Variants in CHSY1 observed in about 807,000 individuals in gnomAD.
CHSY1 encodes the protein N-acetylgalactosaminyl-proteoglycan 3-beta-glucuronosyltransferase 1.
CHSY1 carries 13 observed loss-of-function variants against 59.8 expected under a neutral mutation model. The ratio of observed to expected loss-of-function variants is 0.22; its 90% CI spans 0.14 to 0.35. The LOEUF is 0.35. Ranked by LOEUF, CHSY1 falls within the 10% of genes least tolerant of loss-of-function variation. The pLI is 1.00. For missense variants in CHSY1, 947 were observed against 1,030.6 expected (o/e 0.92, Z 1.11); for synonymous variants, 459 against 401.2 (o/e 1.14, Z -1.72).
At chr15:101,191,656 T>C (rs2038447508) in intron 2 of CHSY1, among the ~76,000 whole-genome samples, 1 of 152,186 alleles carries the variant, frequency 6.6e-6, no homozygotes, top group Non-Finnish European at 1.5e-5. Flanking sequence ...TGGGGGAGAC[T>C]GTGCACGTGT....
At chr15:101,211,463 G>A (rs1385398913) in intron 2 of CHSY1, among the ~76,000 whole-genome samples, 2 of 152,154 alleles carry the variant, frequency 1.3e-5, no homozygotes, top group African/African-American at 4.8e-5. Flanking sequence ...CATAAAACAC[G>A]TATAGGACTC....
At chr15:101,189,497 T>C (rs1458334360) in intron 2 of CHSY1, 4 of 985,190 alleles carry the variant, frequency 4.1e-6, no homozygotes, top group African/African-American at 1.7e-5. Flanking sequence ...ACAGGCCCAG[T>C]GCAGCCGGGT....
intron 2 of CHSY1, among the ~76,000 whole-genome samples, chr15:101,198,664 C>G (rs2038535176): frequency 6.6e-6 from 1 of 152,204 alleles, no homozygotes; most frequent in Non-Finnish European, 1.5e-5. Flanking sequence ...TGAGAGGAAA[C>G]AGCAGTCGTA....
chr15:101,217,074 A>G (rs1211068932), intron 2 of CHSY1, among the ~76,000 whole-genome samples: 1 of 152,238 alleles, frequency 6.6e-6, no homozygotes, highest in African/African-American at 2.4e-5. Flanking sequence ...AATGTACATA[A>G]GCACTGTACT....
At chr15:101,205,820 G>C (rs1040645672) in intron 2 of CHSY1, among the ~76,000 whole-genome samples, 6 of 152,224 alleles carry the variant, frequency 3.9e-5, no homozygotes, top group Admixed American at 3.3e-4. Flanking sequence ...GCGTGGTGGT[G>C]GGCGCCCGTA....
intron 2 of CHSY1, among the ~76,000 whole-genome samples, chr15:101,216,996 A>T (rs1218467557): frequency 6.6e-6 from 1 of 152,186 alleles, no homozygotes; most frequent in African/African-American, 2.4e-5. Context: ...TGAAGTGGGC[A>T]GAGCAGAAGG....
chr15:101,201,320 T>TC (rs1469961362), intron 2 of CHSY1, among the ~76,000 whole-genome samples: 1 of 152,120 alleles, frequency 6.6e-6, no homozygotes, highest in Non-Finnish European at 1.5e-5. Flanking sequence ...TGCCTATTAC[T>TC]CCCCCGACCC....
chr15:101,246,674 C>T (rs906881819), intron 1 of CHSY1, among the ~76,000 whole-genome samples: 2 of 152,172 alleles, frequency 1.3e-5, no homozygotes, highest in African/African-American at 4.8e-5. Context: ...GTGCTGCGAC[C>T]ACATACTATT....
At chr15:101,187,953 ACCATCAACT>A (rs1242064021) in intron 2 of CHSY1, 1 of 878,116 alleles carries the variant, frequency 1.1e-6, no homozygotes, top group Non-Finnish European at 1.4e-6. Context: ...GCTGGGAATA[ACCATCAACT>A]ACCCATATCT....
intron 2 of CHSY1, among the ~76,000 whole-genome samples, chr15:101,183,782 C>T (rs936896474): frequency 3.3e-5 from 5 of 152,260 alleles, no homozygotes; most frequent in East Asian, 3.9e-4. Context: ...CTTGACACAT[C>T]GAGTTCATAA....
At chr15:101,235,829 G>A (rs1467770929) in intron 1 of CHSY1, among the ~76,000 whole-genome samples, 1 of 152,152 alleles carries the variant, frequency 6.6e-6, no homozygotes, top group Non-Finnish European at 1.5e-5. Flanking sequence ...AGTTATGGCT[G>A]AAAACCAAAC....
chr15:101,228,639 T>C (rs1285851144), intron 2 of CHSY1, among the ~76,000 whole-genome samples: 5 of 152,064 alleles, frequency 3.3e-5, no homozygotes, highest in Non-Finnish European at 5.9e-5. Context: ...GAGGAGAAAT[T>C]AGGAAAAAAG....
At position 101,176,395 on chromosome 15, in the gene CHSY1, C is replaced by T; in HGVS notation, c.*993G>A. The T allele has an allele frequency of 2.5e-6, 1 of 398,564 alleles. No homozygotes were observed. The highest frequency in any genetic ancestry group is 6.3e-4 in the Middle Eastern group (1 of 1,588). The allele number at this position is 398,564 out of a possible 1,614,324, so 24.7% of individuals were successfully genotyped here. A position where few individuals can be genotyped will look rare whatever the true frequency, so the allele number is the denominator to read the frequency against. On this transcript the variant is annotated 3_prime_UTR_variant, in exon 3 of 3. Coordinates refer to ENST00000254190, the MANE Select transcript of CHSY1 (RefSeq NM_014918.5). ...ATGTGTGTATGTTTCAGTCTGTGTA[C>T]ATCAGATTTATTGTAATAATTCATC...
intron 2 of CHSY1, among the ~76,000 whole-genome samples, chr15:101,232,756 C>T (rs2038903782): frequency 6.6e-6 from 1 of 152,226 alleles, no homozygotes; most frequent in Non-Finnish European, 1.5e-5. Context: ...TGTAAGACAA[C>T]ATTTCAGCAG....
At chr15:101,206,396 G>C (rs781771360) in intron 2 of CHSY1, among the ~76,000 whole-genome samples, 2 of 152,264 alleles carry the variant, frequency 1.3e-5, no homozygotes, top group African/African-American at 4.8e-5. Flanking sequence ...GTCGCAGTGA[G>C]GGAGGACATG....
Position 101,251,217 on chromosome 15 carries a change from G to T in CHSY1, c.240C>A (p.Gly80=). The change falls in exon 1 of 3, where the codon GGC becomes GGA. Residue 80 remains glycine (G), a synonymous_variant. Transcript: ENST00000254190. ...LWPPGSDPDG[G]PRDRNFLFVG... ...CGAAGAGAAAGTTCCTGTCGCGCGGGCCGCCATCTGGGTCCGAGCCGGGCG... is the reference window on the plus strand; with the variant it reads ...CGAAGAGAAAGTTCCTGTCGCGCGGTCCGCCATCTGGGTCCGAGCCGGGCG... 1 of 1,592,260 alleles carries T rather than the reference G, an allele frequency of 6.3e-7. No homozygotes were observed. The highest frequency in any genetic ancestry group is 8.5e-7 in the Non-Finnish European group (1 of 1,173,602).
Position 101,235,485 on chromosome 15 carries a change from C to A in CHSY1, c.413G>T (p.Gly138Val). The change falls in exon 2 of 3, where the codon GGT becomes GTT. Residue 138 changes from glycine (G) to valine (V), a missense_variant. Physicochemically the swap from Gly to Val is moderately radical, Grantham distance 109. This residue lies in a region of CHSY1 where 232 missense variants were observed against 188.5 expected (regional missense o/e 1.23). Transcript: ENST00000254190. ...CTGGGGCGGGTAGGAGTCGTCCACA[C>A]CCCGTAGTGGCACTACTGGAATTGG... Reference protein sequence around the residue: ...SVPIPVVPLRGVDDSYPPQKK... With the variant: ...SVPIPVVPLRVVDDSYPPQKK... 1 of 1,614,114 alleles carries A rather than the reference C, an allele frequency of 6.2e-7. No homozygotes were observed.
intron 2 of CHSY1, among the ~76,000 whole-genome samples, chr15:101,183,989 C>T (rs2038317286): frequency 1.3e-5 from 2 of 152,210 alleles, no homozygotes; most frequent in South Asian, 4.1e-4. Flanking sequence ...ATATATACTA[C>T]TCTGGAGAGA....
At chr15:101,250,738 C>T (rs2039099027) in intron 1 of CHSY1, among the ~76,000 whole-genome samples, 1 of 152,212 alleles carries the variant, frequency 6.6e-6, no homozygotes, top group South Asian at 2.1e-4. Context: ...CAAAGGTGCA[C>T]ATTTTAGGGA....
Sources: allele counts gnomAD v4.1 joint callset (sites outside exome capture counted in the v4.1 genomes callset), GRCh38; gene constraint gnomAD v4.1.1; regional missense constraint gnomAD v4.1.1; transcripts MANE v1.5; gene names NCBI Gene and HGNC (gene_info 2026-07-23, HGNC 2026-07-21).